The following RFX7 variants were observed in gnomAD, a reference collection of about 807,000 sequenced individuals.
The protein encoded by RFX7 is regulatory factor X7.
In RFX7, 26 loss-of-function variants were observed where a neutral mutation model predicts 111.8. That is an observed-to-expected ratio of 0.23 (90% CI 0.17 to 0.32). The LOEUF is 0.32. Ranked by LOEUF, RFX7 falls within the 10% of genes least tolerant of loss-of-function variation. The pLI, the probability that RFX7 is intolerant of heterozygous loss-of-function variation, is 1.00. For synonymous variants in RFX7, 624 were observed against 624.4 expected (o/e 1.00, Z 0.01); for missense variants, 1,573 against 1,772.9 (o/e 0.89, Z 2.02).
intron 2 of RFX7, among the ~76,000 whole-genome samples, chr15:56,227,194 T>TA (rs2043494709): frequency 2.0e-5 from 3 of 152,216 alleles, no homozygotes; most frequent in Non-Finnish European, 4.4e-5. Context: ...ACTTCAGTGT[T>TA]ACAACACATT....
At chr15:56,155,405 A>G (rs2042638967) in intron 3 of RFX7, among the ~76,000 whole-genome samples, 1 of 152,228 alleles carries the variant, frequency 6.6e-6, no homozygotes, top group Non-Finnish European at 1.5e-5. Flanking sequence ...AAAATGTGGC[A>G]CATATACACC....
intron 5 of RFX7, among the ~76,000 whole-genome samples, chr15:56,124,191 G>C (rs534853451): frequency 5.7e-4 from 87 of 152,232 alleles, no homozygotes; most frequent in African/African-American, 2.0e-3. Flanking sequence ...GGGAGGCCGA[G>C]GCAGGCGGAT....
chr15:56,200,467 G>A (rs1360438901), intron 2 of RFX7, among the ~76,000 whole-genome samples: 1 of 152,114 alleles, frequency 6.6e-6, no homozygotes, highest in Admixed American at 6.5e-5. Flanking sequence ...TTCTCCTACT[G>A]CATAGTTTCA....
intron 5 of RFX7, among the ~76,000 whole-genome samples, chr15:56,113,044 A>G (rs1849812753): frequency 6.6e-6 from 1 of 152,236 alleles, no homozygotes; most frequent in Non-Finnish European, 1.5e-5. Context: ...ACACTTTTAC[A>G]CTGTTGGTGG....
chr15:56,228,608 T>C (rs191226161), intron 2 of RFX7, among the ~76,000 whole-genome samples: 1 of 152,296 alleles, frequency 6.6e-6, no homozygotes, highest in East Asian at 1.9e-4. Flanking sequence ...TAATACACAA[T>C]TACTGACACT....
chr15:56,170,635 G>A (rs1411399841), intron 3 of RFX7, among the ~76,000 whole-genome samples: 1 of 152,118 alleles, frequency 6.6e-6, no homozygotes, highest in Non-Finnish European at 1.5e-5. Context: ...ATTACCACTA[G>A]CCACATGTGG....
intron 3 of RFX7, among the ~76,000 whole-genome samples, chr15:56,172,978 C>T (rs1160515446): frequency 5.3e-5 from 8 of 152,038 alleles, no homozygotes; most frequent in African/African-American, 1.9e-4. Context: ...CAACAAAAAG[C>T]ATAGACTGTT....
At position 56,126,616 on chromosome 15, in the gene RFX7, A is replaced by G. The variant is rs181906526; in HGVS notation, c.401+16162T>C. Among the ~76,000 whole-genome samples, 317 of 152,330 alleles carry G rather than the reference A, an allele frequency of 2.1e-3. 2 individuals carry two copies. Among genetic ancestry groups the G allele is most frequent in the Non-Finnish European group, 3.7e-3 (250 of 68,022 alleles). On this transcript the variant is annotated intron_variant, in intron 5 of 9. Transcript: ENST00000559447. ...ATTCTCCAGTTAAAAGGCAGGGTGA[A>G]TTTAAAATAAAACATCATCAAAGTA...
At chr15:56,123,591 A>T (rs1567017173) in intron 5 of RFX7, among the ~76,000 whole-genome samples, 1 of 152,176 alleles carries the variant, frequency 6.6e-6, no homozygotes, top group East Asian at 1.9e-4. Context: ...AATAGGTGGT[A>T]TGCCGCCCAA....
In RFX7 at chr15:56,091,943, T is replaced by G. The variant is rs1185669778; in HGVS notation, c.*1402A>C. The stretch of plus-strand genomic sequence containing the variant: ...AAGCTTAGCTAGGTTCAAGGTAGCA[T>G]AGCAAATGGTTTTATGTTAGCTTTA... On this transcript the variant is annotated 3_prime_UTR_variant, in exon 10 of 10. Transcript: ENST00000559447. 2.0e-5 allele frequency: 3 copies of G among 152,302 alleles called. No individual in the cohort carries two copies. Among genetic ancestry groups the G allele is most frequent in the Non-Finnish European group, 2.9e-5 (2 of 67,954 alleles). 9.4% of individuals were successfully genotyped at this position (152,302 alleles called of 1,614,324 possible). A position where few individuals can be genotyped will look rare whatever the true frequency, so the allele number is the denominator to read the frequency against.
chr15:56,110,415 G>T (rs1424650944), intron 5 of RFX7, among the ~76,000 whole-genome samples: 57 of 121,072 alleles, frequency 4.7e-4, no homozygotes, highest in African/African-American at 1.6e-3. Flanking sequence ...GTCCGGGGGA[G>T]GGGGGGTCAG....
At chr15:56,113,565 G>C (rs1390595760) in intron 5 of RFX7, among the ~76,000 whole-genome samples, 3 of 151,960 alleles carry the variant, frequency 2.0e-5, no homozygotes, top group Admixed American at 2.0e-4. Flanking sequence ...TTAATACCTA[G>C]GTGACAGGTT....
intron 2 of RFX7, among the ~76,000 whole-genome samples, chr15:56,240,539 G>A (rs1814811206): frequency 6.6e-6 from 1 of 151,874 alleles, no homozygotes; most frequent in Admixed American, 6.5e-5. Context: ...ATAACTTATT[G>A]TCCAAAGGCC....
At chr15:56,150,676 C>T (rs967451953) in intron 3 of RFX7, among the ~76,000 whole-genome samples, 1 of 152,162 alleles carries the variant, frequency 6.6e-6, no homozygotes, top group African/African-American at 2.4e-5. Context: ...AGGATCACAA[C>T]CCCTCGCCAG....
chr15:56,208,580 C>T (rs1296131856), intron 2 of RFX7, among the ~76,000 whole-genome samples: 1 of 152,002 alleles, frequency 6.6e-6, no homozygotes, highest in Non-Finnish European at 1.5e-5. Context: ...AAACATAGTC[C>T]AATGTGGCAG....
chr15:56,227,527 A>AT (rs2043498306), intron 2 of RFX7, among the ~76,000 whole-genome samples: 2 of 152,060 alleles, frequency 1.3e-5, no homozygotes, highest in Non-Finnish European at 2.9e-5. Context: ...TTTATTAACA[A>AT]ATTTTTTTTA....
In RFX7 at chr15:56,104,045, A is replaced by G. The variant is rs1595925875; in HGVS notation, c.402-375T>C. Among the ~76,000 whole-genome samples, 4 of 152,300 alleles carry G rather than the reference A, an allele frequency of 2.6e-5. 1 individual carries two copies. The highest frequency in any genetic ancestry group is 2.6e-4 in the Admixed American group (4 of 15,304). On this transcript the variant is annotated intron_variant, in intron 5 of 9. Coordinates refer to ENST00000559447, the MANE Select transcript of RFX7 (RefSeq NM_022841.7). The stretch of plus-strand genomic sequence containing the variant: ...CATACTGGGATAATTTCCAATATAC[A>G]TATCATGCACATCAGACAGAGATAA...
chr15:56,229,584 C>T (rs1433920971), intron 2 of RFX7, among the ~76,000 whole-genome samples: 3 of 152,114 alleles, frequency 2.0e-5, no homozygotes, highest in Non-Finnish European at 2.9e-5. Flanking sequence ...TCTCAAACTT[C>T]GGTTTCAGTT....
chr15:56,141,448 T>C (rs1393537767), intron 5 of RFX7, among the ~76,000 whole-genome samples: 2 of 151,754 alleles, frequency 1.3e-5, no homozygotes, highest in Non-Finnish European at 2.9e-5. Flanking sequence ...ATGAACCAAC[T>C]GACAAAGACT....
Sources: gnomAD v4.1 joint callset for allele counts (sites outside exome capture counted in the v4.1 genomes callset) on GRCh38, gnomAD v4.1.1 for gene constraint, MANE v1.5 for transcripts, NCBI Gene and HGNC (gene_info 2026-07-23, HGNC 2026-07-21) for gene names.